RAVER1: variants seen among roughly 807,000 people sequenced by gnomAD.
RAVER1 encodes the protein ribonucleoprotein PTB-binding 1.
In RAVER1, 36 loss-of-function variants were observed where a neutral mutation model predicts 68.4. That is an observed-to-expected ratio of 0.53 (90% CI 0.40 to 0.70). The LOEUF (loss-of-function observed/expected upper bound fraction) is 0.70. Among genes scored for constraint, RAVER1 ranks in the 30% least tolerant of loss-of-function variants. The pLI is 0.00. For missense variants in RAVER1, 933 were observed against 1,019.8 expected (o/e 0.91, Z 1.16); for synonymous variants, 469 against 472.7 (o/e 0.99, Z 0.10).
Position 10,333,210 on chromosome 19 carries a change from C to T in RAVER1, c.219+79G>A, listed in dbSNP as rs1489460116. 8 of 1,400,450 alleles carry T rather than the reference C, an allele frequency of 5.7e-6. 1 individual carries two copies. In the South Asian group the frequency reaches 1.0e-4, roughly 18 times the overall value. 86.8% of individuals were successfully genotyped at this position (1,400,450 alleles called of 1,614,324 possible). On this transcript the variant is annotated intron_variant, in intron 1 of 12. Coordinates refer to ENST00000617231, the MANE Select transcript of RAVER1 (RefSeq NM_133452.3). This position sits in a 1 kb window ranked among gnomAD's most constrained non-coding sequence, Gnocchi z 4.2. ...CGCCAACGACCCCCGCGCACCTCAGCGTTGGTGTCGCCCGGTTCCCCCCGC... is the reference window on the plus strand; with the variant it reads ...CGCCAACGACCCCCGCGCACCTCAGTGTTGGTGTCGCCCGGTTCCCCCCGC...
chr19:10,325,981 C>T (rs965098948), intron 3 of RAVER1, among the ~76,000 whole-genome samples: 5 of 152,032 alleles, frequency 3.3e-5, no homozygotes, highest in African/African-American at 7.2e-5. Context: ...GCCAGGCCAG[C>T]GCAGTGGCTC....
At chr19:10,320,533 C>A in intron 9 of RAVER1, 122 bp downstream of exon 9, 1 of 750,470 alleles carries the variant, frequency 1.3e-6, no homozygotes, top group Non-Finnish European at 2.0e-6. Flanking sequence ...AAGCAGAGAC[C>A]ATATCTGGCA....
In RAVER1 at chr19:10,317,425, G is replaced by T; in HGVS notation, c.*29C>A. The T allele has an allele frequency of 6.2e-7, 1 of 1,611,388 alleles. No homozygotes were observed. Among genetic ancestry groups the T allele is most frequent in the Non-Finnish European group, 8.5e-7 (1 of 1,177,594 alleles). On this transcript the variant is annotated 3_prime_UTR_variant, in exon 13 of 13. Transcript: ENST00000617231. This position sits in a 1 kb window ranked among gnomAD's most constrained non-coding sequence, Gnocchi z 4.3. ...AAAACCCAAAAGCGATTTGGTGCAG[G>T]CCCTTGAGTTATCTCTGGTGCCAGC...
intron 1 of RAVER1, among the ~76,000 whole-genome samples, chr19:10,331,294 G>A (rs2145085123): frequency 7.0e-6 from 1 of 142,270 alleles, no homozygotes; most frequent in African/African-American, 2.6e-5. Context: ...AGCTTGCAGT[G>A]AGCCGAGATT....
chr19:10,321,433 C>T (rs1287997342), intron 7 of RAVER1, 98 bp downstream of exon 7: 3 of 1,055,016 alleles, frequency 2.8e-6, no homozygotes, highest in East Asian at 3.1e-5. Flanking sequence ...TGGACAAGGG[C>T]GCTGGGACCC....
In RAVER1 at chr19:10,333,479, C is replaced by T. The variant is rs777859894; in HGVS notation, c.29G>A (p.Arg10Gln). Residue 10 changes from arginine (R) to glutamine (Q), a missense_variant, in exon 1 of 13, where the codon CGG becomes CAG. By Grantham distance (43) the Arg-to-Gln change is conservative. Coordinates refer to ENST00000617231, the MANE Select transcript of RAVER1 (RefSeq NM_133452.3). The surrounding 1 kb of genome is among the most constrained non-coding windows in gnomAD (Gnocchi z 4.2). Reference protein sequence around the residue: MAADVSVTHRPPLSPKSGAE... With the variant: MAADVSVTHQPPLSPKSGAE... ...CCCAGACTTAGGGCTCAGCGGGGGC[C>T]GGTGAGTAACGGACACGTCCGCCGC... 39 of 1,608,672 alleles carry T rather than the reference C, an allele frequency of 2.4e-5. No homozygotes were observed. Among genetic ancestry groups the T allele is most frequent in the Admixed American group, 2.3e-4 (14 of 59,862 alleles).
Position 10,322,810 on chromosome 19 carries a change from C to G in RAVER1, c.1079-71G>C. ...CTGCCCCACCTCACGAAACACAGCC[C>G]TGAACCCATTGATGGGGCAGGAAAC... On this transcript the variant is annotated intron_variant, in intron 5 of 12. Transcript: ENST00000617231. The surrounding 1 kb of genome is among the most constrained non-coding windows in gnomAD (Gnocchi z 4.3). 1 of 936,420 alleles carries G rather than the reference C, an allele frequency of 1.1e-6. No homozygotes were observed. The highest frequency in any genetic ancestry group is 1.7e-5 in the African/African-American group (1 of 58,800). The allele number at this position is 936,420 out of a possible 1,614,324, so 58.0% of individuals were successfully genotyped here.
At position 10,333,323 on chromosome 19, in the gene RAVER1, A is replaced by T. The variant is rs766195014; in HGVS notation, c.185T>A (p.Leu62Gln). Residue 62 changes from leucine (L) to glutamine (Q), a missense_variant, in exon 1 of 13, where the codon CTG (leucine) becomes CAG (glutamine). This residue lies in a region of RAVER1 where 211 missense variants were observed against 230.0 expected (regional missense o/e 0.92). Coordinates refer to ENST00000617231, the MANE Select transcript of RAVER1 (RefSeq NM_133452.3). The surrounding 1 kb of genome is among the most constrained non-coding windows in gnomAD (Gnocchi z 4.2). ...ERQFRNRRKI[L>Q]IRGLPGDVTN... is the part of the protein sequence containing the mutation. ...CACGTCCCCCGGGAGGCCCCGGATC[A>T]GTATCTTGCGGCGGTTACGGAACTG... 3.1e-6 allele frequency: 5 copies of T among 1,613,746 alleles called. No homozygotes were observed. In the East Asian group the frequency reaches 1.1e-4, roughly 36 times the overall value.
In RAVER1 at chr19:10,333,236, G is replaced by C; in HGVS notation, c.219+53C>G. ...GTTGGTGTCGCCCGGTTCCCCCCGC[G>C]CACGCGCACCGTGGTATTTCCCGCC... On this transcript the variant is annotated intron_variant, in intron 1 of 12. Transcript: ENST00000617231. This position sits in a 1 kb window ranked among gnomAD's most constrained non-coding sequence, Gnocchi z 4.2. The C allele has an allele frequency of 6.5e-7, 1 of 1,527,402 alleles. No individual in the cohort carries two copies. The highest frequency in any genetic ancestry group is 1.2e-5 in the South Asian group (1 of 84,416). 94.6% of individuals were successfully genotyped at this position (1,527,402 alleles called of 1,614,324 possible).
Position 10,323,490 on chromosome 19 carries a change from G to T in RAVER1, c.833C>A (p.Ala278Glu). ...GGACAGGCCGTCCGCCTGCTGCTGT[G>T]CCTCCTCCGCCATCTCAGCCGTCTC... ...EYETAEMAEE[A>E]QQQADGLSLG... The change falls in exon 4 of 13, where the codon GCA (alanine) becomes GAA (glutamate). Residue 278 changes from alanine to glutamate, a missense_variant. Ala to Glu is a moderately radical substitution (Grantham distance 107). Around this residue, in one of 3 missense-constraint regions of RAVER1, gnomAD observed 699 missense variants for 731.1 expected, o/e 0.96. Transcript: ENST00000617231. This position sits in a 1 kb window ranked among gnomAD's most constrained non-coding sequence, Gnocchi z 6.2. The T allele has an allele frequency of 6.2e-7, 1 of 1,609,476 alleles. No individual in the cohort carries two copies.
At position 10,323,702 on chromosome 19, in the gene RAVER1, A is replaced by G; in HGVS notation, c.757-136T>C. ...CCAGGCCTCCACTGCCCTGTGCCTC[A>G]TTCCTGCATCAGCTCATCTGATTTT... On this transcript the variant is annotated intron_variant, in intron 3 of 12. Transcript: ENST00000617231. The surrounding 1 kb of genome is among the most constrained non-coding windows in gnomAD (Gnocchi z 6.2). The G allele has an allele frequency of 1.2e-6, 1 of 851,846 alleles. No homozygotes were observed. Among genetic ancestry groups the G allele is most frequent in the Admixed American group, 2.9e-5 (1 of 34,278 alleles). 52.8% of individuals were successfully genotyped at this position (851,846 alleles called of 1,614,324 possible).
rs146672360 is a variant in RAVER1, at chr19:10,326,767, T to G, written c.756+1875A>C. On this transcript the variant is annotated intron_variant, in intron 3 of 12. Transcript: ENST00000617231. ...CTGCGCCTGGCCTGTTTTTTTTTTT[T>G]TTTTTTTTTCTGTTTTTGAGATGCA... 1.4e-3 allele frequency among the ~76,000 whole-genome samples: 218 copies of G among 150,532 alleles called. 5 individuals carry two copies. In the East Asian group the frequency reaches 0.039, roughly 27 times the overall value.
At chr19:10,318,414 TA>T in intron 10 of RAVER1, 42 bp from the exon 11 acceptor site, 1 of 1,460,744 alleles carries the variant, frequency 6.8e-7, no homozygotes, top group Non-Finnish European at 9.3e-7. Flanking sequence ...ACAATTGTAG[TA>T]CCCAGCCCTT....
Position 10,323,345 on chromosome 19 carries a change from AC to A in RAVER1, c.948+29del, listed in dbSNP as rs777030494. 13 of 1,605,722 alleles carry A rather than the reference AC, an allele frequency of 8.1e-6. No homozygotes were observed. The African/African-American group carries it at 1.7e-4, about 21-fold the overall frequency. Reference sequence around the variant, plus strand: ...ACATCCCCATGGGGCTCCCATCCCCACCCCGCCACCTCTGCCCGCACAGGCT... The same window carrying A: ...ACATCCCCATGGGGCTCCCATCCCCACCCGCCACCTCTGCCCGCACAGGCT... On this transcript the variant is annotated intron_variant, in intron 4 of 12. Coordinates refer to ENST00000617231, the MANE Select transcript of RAVER1 (RefSeq NM_133452.3). The surrounding 1 kb of genome is among the most constrained non-coding windows in gnomAD (Gnocchi z 6.2).
intron 3 of RAVER1, among the ~76,000 whole-genome samples, chr19:10,324,823 A>G (rs1196095928): frequency 1.3e-5 from 2 of 152,116 alleles, no homozygotes; most frequent in African/African-American, 4.8e-5. Flanking sequence ...CAGCTGGGTC[A>G]CCTAACATTA....
At position 10,317,650 on chromosome 19, in the gene RAVER1, G is replaced by C; in HGVS notation, c.2073+40C>G. 1 of 1,535,838 alleles carries C rather than the reference G, an allele frequency of 6.5e-7. No homozygotes were observed. The highest frequency in any genetic ancestry group is 8.8e-7 in the Non-Finnish European group (1 of 1,130,876). ...CGGGTCAGGGGCCGCTGGGGGGCCGGGGCTTCCCAGCCCTGCATGTCCCCA... is the reference window on the plus strand; with the variant it reads ...CGGGTCAGGGGCCGCTGGGGGGCCGCGGCTTCCCAGCCCTGCATGTCCCCA... On this transcript the variant is annotated intron_variant, in intron 12 of 12. Transcript: ENST00000617231. The surrounding 1 kb of genome is among the most constrained non-coding windows in gnomAD (Gnocchi z 4.3).
At chr19:10,321,860 A>G (rs2040440113) in intron 6 of RAVER1, 2 of 340,636 alleles carry the variant, frequency 5.9e-6, no homozygotes, top group Non-Finnish European at 1.1e-5. Context: ...GCAGCACAGT[A>G]TCAACTGCAG....
In RAVER1 at chr19:10,316,329, A is replaced by G. The variant is rs1475251985; in HGVS notation, c.*1125T>C. 6 of 1,139,462 alleles carry G rather than the reference A, an allele frequency of 5.3e-6. No individual in the cohort carries two copies. Among genetic ancestry groups the G allele is most frequent in the Non-Finnish European group, 6.5e-6 (6 of 926,650 alleles). The allele number at this position is 1,139,462 out of a possible 1,614,324, so 70.6% of individuals were successfully genotyped here. ...GGATGTGGACCCCCAGAGTCAAGGG[A>G]GGGAAGCTGGTGGCCCAGTTGGCTG... On this transcript the variant is annotated 3_prime_UTR_variant, in exon 13 of 13. Transcript: ENST00000617231.
In RAVER1 at chr19:10,333,159, G is replaced by A. The variant is rs1350972542; in HGVS notation, c.219+130C>T. The A allele has an allele frequency of 2.3e-6, 2 of 868,026 alleles. No individual in the cohort carries two copies. Among genetic ancestry groups the A allele is most frequent in the African/African-American group, 1.7e-5 (1 of 58,724 alleles). The allele number at this position is 868,026 out of a possible 1,614,324, so 53.8% of individuals were successfully genotyped here. A position where few individuals can be genotyped will look rare whatever the true frequency, so the allele number is the denominator to read the frequency against. ...CCCGCTCTTGGTCTCTCCCGATCCCGCGTGGATCCGGTGCTTGGGCGCCCC... is the reference window on the plus strand; with the variant it reads ...CCCGCTCTTGGTCTCTCCCGATCCCACGTGGATCCGGTGCTTGGGCGCCCC... On this transcript the variant is annotated intron_variant, in intron 1 of 12. Coordinates refer to ENST00000617231, the MANE Select transcript of RAVER1 (RefSeq NM_133452.3). The surrounding 1 kb of genome is among the most constrained non-coding windows in gnomAD (Gnocchi z 4.2).
Sources: gnomAD v4.1 joint callset for allele counts (sites outside exome capture counted in the v4.1 genomes callset) on GRCh38, gnomAD v4.1.1 for gene constraint, gnomAD v4.1.1 regional missense constraint, Gnocchi (gnomAD v3.1) non-coding constraint, MANE v1.5 for transcripts, NCBI Gene and HGNC (gene_info 2026-07-23, HGNC 2026-07-21) for gene names.